UBE2W: variants seen among roughly 807,000 people sequenced by gnomAD.
UBE2W encodes ubiquitin-conjugating enzyme E2 W.
A neutral mutation model predicts 27.2 loss-of-function variants in UBE2W; 18 were observed. That is an observed-to-expected ratio of 0.66 (90% CI 0.46 to 0.98). The LOEUF is 0.98. UBE2W is among the 50% of genes least tolerant of loss of function. The pLI, the probability that UBE2W is intolerant of heterozygous loss-of-function variation, is 0.00. For synonymous variants in UBE2W, 53 were observed against 57.2 expected (o/e 0.93, Z 0.33); for missense variants, 90 against 180.2 (o/e 0.50, Z 2.87).
chr8:73,781,898 C>A (rs1807851856), downstream of UBE2W, among the ~76,000 whole-genome samples: 1 of 148,976 alleles, frequency 6.7e-6, no homozygotes, highest in African/African-American at 2.5e-5. Flanking sequence ...TTTCAGGCAG[C>A]CATCATCCTG....
chr8:73,785,308 G>C (rs527776721), downstream of UBE2W, among the ~76,000 whole-genome samples: 5 of 152,018 alleles, frequency 3.3e-5, no homozygotes, highest in East Asian at 9.8e-4. Flanking sequence ...ACCATGCCCA[G>C]CTTTTTTGTA....
Position 73,789,110 on chromosome 8 carries a change from T to TTTC in UBE2W, c.*4991_*4992insGAA. ...AACTTCAACTTTCAGGATAGAGAGC[T>TTTC]AAGTTTCAAGTACATGTCTAGATTC... is the stretch of plus-strand genomic sequence containing the variant. On this transcript the variant is annotated 3_prime_UTR_variant, in exon 6 of 6. Transcript: ENST00000602593. The TTTC allele has an allele frequency of 7.1e-6, 7 of 985,132 alleles. No individual in the cohort carries two copies. The highest frequency in any genetic ancestry group is 8.4e-6 in the Non-Finnish European group (7 of 829,872). The allele number at this position is 985,132 out of a possible 1,614,324, so 61.0% of individuals were successfully genotyped here.
At chr8:73,865,074 G>A (rs752062195) in intron 1 of UBE2W, among the ~76,000 whole-genome samples, 21 of 147,054 alleles carry the variant, frequency 1.4e-4, no homozygotes, top group Non-Finnish European at 2.4e-4. Context: ...ACAAAAAAGC[G>A]AAATAATGTG....
intron 1 of UBE2W, among the ~76,000 whole-genome samples, chr8:73,860,161 G>A (rs1256737126): frequency 3.3e-5 from 5 of 151,856 alleles, no homozygotes; most frequent in Non-Finnish European, 2.9e-5. Flanking sequence ...GGGAAGAAAA[G>A]ATACTCTCAT....
At chr8:73,783,814 G>A (rs999592600), downstream of UBE2W, among the ~76,000 whole-genome samples, 1 of 152,192 alleles carries the variant, frequency 6.6e-6, no homozygotes, top group African/African-American at 2.4e-5. Flanking sequence ...CCAGGCTGGA[G>A]TGCAGTGGTG....
At chr8:73,847,035 G>T (rs1270767782) in intron 1 of UBE2W, among the ~76,000 whole-genome samples, 1 of 152,102 alleles carries the variant, frequency 6.6e-6, no homozygotes, top group Non-Finnish European at 1.5e-5. Flanking sequence ...TGGGCGTGGT[G>T]GCACGCACCT....
chr8:73,873,448 T>C (rs1812090296), intron 1 of UBE2W, among the ~76,000 whole-genome samples: 1 of 152,048 alleles, frequency 6.6e-6, no homozygotes, highest in South Asian at 2.1e-4. Flanking sequence ...GGCTGAGTCC[T>C]GGAGTTCAAG....
chr8:73,821,556 TG>T (rs1554581573), intron 3 of UBE2W, among the ~76,000 whole-genome samples: 67 of 7,720 alleles, frequency 8.7e-3, no homozygotes, highest in South Asian at 0.017. Context: ...AGTGTGTGTG[TG>T]GGGGGGGGGG....
Position 73,789,307 on chromosome 8 carries a change from TAAAAAAAAAAAAAAA to T in UBE2W, c.*4780_*4794del, listed in dbSNP as rs10652083. ...GCAACATGGTGAGACCTCGTGTCTT[TAAAAAAAAAAAAAAA>T]AAAAAAAAAAAAAAAAAAAATTCTA... On this transcript the variant is annotated 3_prime_UTR_variant, in exon 6 of 6. Transcript: ENST00000602593. The T allele has an allele frequency of 9.7e-3, 388 of 40,084 alleles. 8 individuals are homozygous for T. The East Asian group carries it at 0.13, about 14-fold the overall frequency. 2.5% of individuals were successfully genotyped at this position (40,084 alleles called of 1,614,324 possible). A position where few individuals can be genotyped will look rare whatever the true frequency, so the allele number is the denominator to read the frequency against.
chr8:73,810,385 C>T, intron 4 of UBE2W, 89 bp downstream of exon 4: 2 of 1,269,712 alleles, frequency 1.6e-6, no homozygotes, highest in South Asian at 3.1e-5. Flanking sequence ...TAAATCCTTC[C>T]TCCAAATAAA....
chr8:73,877,538 G>T (rs1812283656), intron 1 of UBE2W, among the ~76,000 whole-genome samples: 1 of 152,016 alleles, frequency 6.6e-6, no homozygotes, highest in Non-Finnish European at 1.5e-5. Context: ...AAAAGAGGAA[G>T]AAGATGCAGA....
chr8:73,785,462 A>G (rs1370680859), downstream of UBE2W, among the ~76,000 whole-genome samples: 2 of 152,132 alleles, frequency 1.3e-5, no homozygotes, highest in Admixed American at 1.3e-4. Context: ...ATTAAAGAAA[A>G]TAAATTCAGG....
chr8:73,844,311 C>T (rs536468994), intron 1 of UBE2W, among the ~76,000 whole-genome samples: 71 of 152,296 alleles, frequency 4.7e-4, no homozygotes, highest in Non-Finnish European at 8.5e-4. Context: ...CCACACCTGA[C>T]TGGTTTTCGT....
chr8:73,827,740 A>G (rs1809910723), intron 2 of UBE2W, among the ~76,000 whole-genome samples: 1 of 151,412 alleles, frequency 6.6e-6, no homozygotes, highest in Non-Finnish European at 1.5e-5. Flanking sequence ...GGATCTCCCT[A>G]TGTTGCCCAG....
intron 2 of UBE2W, among the ~76,000 whole-genome samples, chr8:73,827,463 C>T (rs1809894755): frequency 1.3e-5 from 2 of 152,136 alleles, no homozygotes; most frequent in South Asian, 4.1e-4. Flanking sequence ...ATCTGCCCGC[C>T]TCGGCGTCCC....
Position 73,804,298 on chromosome 8 carries a change from C to T in UBE2W, c.442+1353G>A, listed in dbSNP as rs1393725705. 2.7e-5 allele frequency among the ~76,000 whole-genome samples: 4 copies of T among 148,418 alleles called. No individual in the cohort carries two copies. In the East Asian group the frequency reaches 7.9e-4, roughly 29 times the overall value. On this transcript the variant is annotated intron_variant, in intron 5 of 5. Transcript: ENST00000602593. ...AACATTAAAAAAAAAAAAAAACCCA[C>T]ACACATAAAAAACCCCAAAGGCAAT...
chr8:73,810,758 A>C (rs1282754990), intron 3 of UBE2W, 129 bp from the exon 4 acceptor site: 1 of 617,640 alleles, frequency 1.6e-6, no homozygotes, highest in Non-Finnish European at 2.5e-6. Flanking sequence ...CAGGAACATG[A>C]TAAACAACTG....
chr8:73,811,897 G>T (rs1185270028), intron 3 of UBE2W, among the ~76,000 whole-genome samples: 1 of 151,888 alleles, frequency 6.6e-6, no homozygotes, highest in Non-Finnish European at 1.5e-5. Context: ...ATAGAATAAG[G>T]TATGCTATAG....
At chr8:73,858,634 T>A (rs1360881085) in intron 1 of UBE2W, among the ~76,000 whole-genome samples, 2 of 150,292 alleles carry the variant, frequency 1.3e-5, no homozygotes, top group Non-Finnish European at 3.0e-5. Context: ...AAAGTCTGAC[T>A]TCAGTCATAA....
Sources: allele counts gnomAD v4.1 joint callset (sites outside exome capture counted in the v4.1 genomes callset), GRCh38; gene constraint gnomAD v4.1.1; transcripts MANE v1.5; gene names NCBI Gene and HGNC (gene_info 2026-07-23, HGNC 2026-07-21).